SIN3A: variants seen among roughly 807,000 people sequenced by gnomAD.
The protein encoded by SIN3A is paired amphipathic helix protein Sin3a.
In SIN3A, 14 loss-of-function variants were observed where a neutral mutation model predicts 146.1. The ratio of observed to expected loss-of-function variants is 0.10; its 90% CI spans 0.06 to 0.15. The LOEUF (loss-of-function observed/expected upper bound fraction) is 0.15. SIN3A is among the 10% of genes least tolerant of loss of function. The pLI, the probability that SIN3A is intolerant of heterozygous loss-of-function variation, is 1.00. For synonymous variants in SIN3A, 572 were observed against 572.0 expected (o/e 1.00, Z 0.00); for missense variants, 1,028 against 1,576.0 (o/e 0.65, Z 5.89).
intron 1 of SIN3A, among the ~76,000 whole-genome samples, chr15:75,438,027 C>A (rs1213775444): frequency 2.6e-5 from 4 of 151,282 alleles, no homozygotes; most frequent in Non-Finnish European, 4.4e-5. Context: ...TACACACACA[C>A]AAAAAAAACA....
intron 2 of SIN3A, among the ~76,000 whole-genome samples, chr15:75,424,920 TATATATGG>T (rs1293244068): frequency 6.6e-6 from 1 of 152,232 alleles, no homozygotes; most frequent in Non-Finnish European, 1.5e-5. Context: ...TCAACAATGA[TATATATGG>T]ATATATTTGA....
intron 14 of SIN3A, among the ~76,000 whole-genome samples, chr15:75,393,919 C>A (rs1190113593): frequency 6.6e-6 from 1 of 152,076 alleles, no homozygotes; most frequent in African/African-American, 2.4e-5. Context: ...GCCATTCTCC[C>A]ACCTCATTCT....
chr15:75,426,800 C>T (rs1180726088), intron 2 of SIN3A, among the ~76,000 whole-genome samples: 1 of 151,960 alleles, frequency 6.6e-6, no homozygotes, highest in African/African-American at 2.4e-5. Flanking sequence ...GGTGTGGTGG[C>T]ATGCACCTGT....
intron 1 of SIN3A, among the ~76,000 whole-genome samples, chr15:75,448,554 A>G (rs1010680581): frequency 2.6e-5 from 4 of 152,182 alleles, no homozygotes; most frequent in African/African-American, 9.7e-5. Context: ...TGCTCAATAA[A>G]TATCAGCTTT....
intron 2 of SIN3A, among the ~76,000 whole-genome samples, chr15:75,428,789 C>T (rs2073967331): frequency 1.3e-5 from 2 of 152,248 alleles, no homozygotes; most frequent in South Asian, 2.1e-4. Context: ...CGAGCCACTG[C>T]ACTCAGCAAC....
At chr15:75,415,891 G>T (rs1459100298) in intron 3 of SIN3A, 1 of 243,338 alleles carries the variant, frequency 4.1e-6, no homozygotes, top group African/African-American at 2.3e-5. Context: ...CTGCAAAGGA[G>T]AGAGAGGAGG....
At chr15:75,426,249 T>C (rs1247650161) in intron 2 of SIN3A, among the ~76,000 whole-genome samples, 1 of 152,238 alleles carries the variant, frequency 6.6e-6, no homozygotes. Flanking sequence ...CTGTTGGCAG[T>C]CTTCTGACTG....
At chr15:75,373,866 C>G (rs146617243) in intron 20 of SIN3A, among the ~76,000 whole-genome samples, 276 of 152,224 alleles carry the variant, frequency 1.8e-3, no homozygotes, top group Non-Finnish European at 2.8e-3. Context: ...ATCAGTAGTT[C>G]CATTTTGGGG....
chr15:75,448,070 T>C (rs2074337489), intron 1 of SIN3A: 2 of 151,164 alleles, frequency 1.3e-5, no homozygotes, highest in Admixed American at 6.6e-5. Flanking sequence ...CCCAGCTACA[T>C]GGGAGGCTAA....
intron 9 of SIN3A, among the ~76,000 whole-genome samples, chr15:75,406,225 A>T (rs1275877401): frequency 3.3e-5 from 5 of 152,224 alleles, no homozygotes; most frequent in Non-Finnish European, 7.3e-5. Flanking sequence ...AATCACACTT[A>T]AGTTTATGTG....
intron 1 of SIN3A, chr15:75,443,753 G>A (rs543364312): frequency 1.3e-5 from 2 of 152,206 alleles, no homozygotes; most frequent in South Asian, 4.1e-4. Flanking sequence ...TTTGGGAAAA[G>A]CAATAAGAAA....
At chr15:75,420,160 A>G (rs948456265) in intron 3 of SIN3A, 8 of 152,178 alleles carry the variant, frequency 5.3e-5, no homozygotes, top group African/African-American at 1.9e-4. Flanking sequence ...GAAGTCTACA[A>G]TCTTGTTGGG....
At chr15:75,432,237 G>C (rs2074025234) in intron 1 of SIN3A, among the ~76,000 whole-genome samples, 1 of 152,200 alleles carries the variant, frequency 6.6e-6, no homozygotes, top group Non-Finnish European at 1.5e-5. Context: ...CGTGTTTTGG[G>C]ATGAGGAACT....
chr15:75,417,558 T>C (rs913663232), intron 3 of SIN3A, among the ~76,000 whole-genome samples: 1 of 152,052 alleles, frequency 6.6e-6, no homozygotes, highest in Non-Finnish European at 1.5e-5. Context: ...TTTGTATTTT[T>C]AGTAGAGATG....
At chr15:75,443,689 T>C (rs1467546054) in intron 1 of SIN3A, 2 of 152,204 alleles carry the variant, frequency 1.3e-5, no homozygotes, top group African/African-American at 4.8e-5. Flanking sequence ...CACTCCAGCC[T>C]GGGTGACAGA....
At chr15:75,377,602 G>T (rs2072886549) in intron 19 of SIN3A, among the ~76,000 whole-genome samples, 1 of 150,788 alleles carries the variant, frequency 6.6e-6, no homozygotes, top group South Asian at 2.1e-4. Context: ...TCCAGCTTGG[G>T]CAACAGAGTG....
At chr15:75,425,537 CCT>C (rs2073910821) in intron 2 of SIN3A, among the ~76,000 whole-genome samples, 1 of 152,156 alleles carries the variant, frequency 6.6e-6, no homozygotes, top group Non-Finnish European at 1.5e-5. Flanking sequence ...ATTTTTTCCC[CCT>C]AATTCTTGAT....
In SIN3A at chr15:75,372,205, T is replaced by G; in HGVS notation, c.3596A>C (p.His1199Pro). The part of the protein sequence containing the change: ...RTALLRAHQS[H>P]ERVSKRLHQR... ...ATGTAGACGCTTGCTTACACGCTCA[T>G]GGGACTGCAAAACAGAAAAAAAAAA... Residue 1199 changes from histidine to proline, a missense_variant, in exon 21 of 21, where the codon CAT (histidine) becomes CCT (proline). Physicochemically the swap from His to Pro is moderately conservative, Grantham distance 77. This residue lies in a region of SIN3A where 488 missense variants were observed against 690.2 expected (regional missense o/e 0.71). Coordinates refer to ENST00000394947, the MANE Select transcript of SIN3A (RefSeq NM_001145358.2). The G allele has an allele frequency of 6.4e-7, 1 of 1,574,720 alleles. No individual in the cohort carries two copies. Among genetic ancestry groups the G allele is most frequent in the South Asian group, 1.2e-5 (1 of 85,928 alleles).
chr15:75,386,340 T>C (rs1338492396), intron 16 of SIN3A, among the ~76,000 whole-genome samples: 1 of 152,220 alleles, frequency 6.6e-6, no homozygotes, highest in Non-Finnish European at 1.5e-5. Flanking sequence ...TACTTTCTTG[T>C]TGAAGTAGAC....
Sources: allele counts gnomAD v4.1 joint callset (sites outside exome capture counted in the v4.1 genomes callset), GRCh38; gene constraint gnomAD v4.1.1; regional missense constraint gnomAD v4.1.1; transcripts MANE v1.5; gene names NCBI Gene and HGNC (gene_info 2026-07-23, HGNC 2026-07-21).